The following CADPS2 variants were observed in gnomAD, a reference collection of about 807,000 sequenced individuals.
The protein encoded by CADPS2 is calcium-dependent secretion activator 2.
A neutral mutation model predicts 172.5 loss-of-function variants in CADPS2; 93 were observed. That is an observed-to-expected ratio of 0.54 (90% CI 0.46 to 0.64). CADPS2 has a LOEUF of 0.64. Ranked by LOEUF, CADPS2 falls within the 30% of genes least tolerant of loss-of-function variation. CADPS2 has a pLI of 0.00. For synonymous variants in CADPS2, 546 were observed against 555.2 expected, an observed-to-expected ratio of 0.98 and a Z score of 0.23; for missense variants, 1,420 against 1,565.9, an observed-to-expected ratio of 0.91 and a Z score of 1.57.
intron 2 of CADPS2, among the ~76,000 whole-genome samples, chr7:122,683,556 T>A (rs2083295347): frequency 6.6e-6 from 1 of 152,172 alleles, no homozygotes; most frequent in Non-Finnish European, 1.5e-5. Context: ...GATATGTGCT[T>A]ACAAAGTGGA....
intron 2 of CADPS2, among the ~76,000 whole-genome samples, chr7:122,732,758 C>T (rs910840241): frequency 2.8e-5 from 4 of 140,918 alleles, no homozygotes; most frequent in Non-Finnish European, 4.6e-5. Context: ...TCCTTCAAGC[C>T]AATCCTTCAA....
intron 1 of CADPS2, among the ~76,000 whole-genome samples, chr7:122,778,759 G>T (rs1030851977): frequency 6.6e-6 from 1 of 152,202 alleles, no homozygotes; most frequent in Non-Finnish European, 1.5e-5. Context: ...TTGAGGTTTG[G>T]GACTTTTGAA....
chr7:122,592,268 C>A (rs1438641805), intron 6 of CADPS2, among the ~76,000 whole-genome samples: 3 of 152,176 alleles, frequency 2.0e-5, no homozygotes, highest in East Asian at 1.9e-4. Context: ...CAGAGAAATG[C>A]AAATCAAAAC....
intron 1 of CADPS2, among the ~76,000 whole-genome samples, chr7:122,832,903 T>C (rs1002920399): frequency 6.6e-6 from 1 of 152,180 alleles, no homozygotes; most frequent in African/African-American, 2.4e-5. Context: ...AGCTTAATTA[T>C]AATGAAATAG....
chr7:122,579,836 T>C (rs1002621979), intron 7 of CADPS2, among the ~76,000 whole-genome samples: 1 of 151,912 alleles, frequency 6.6e-6, no homozygotes, highest in Non-Finnish European at 1.5e-5. Context: ...AATACACATA[T>C]CAATAAAATG....
Position 122,651,204 on chromosome 7 carries a change from T to A in CADPS2, c.786+12033A>T, listed in dbSNP as rs1213993276. Among the ~76,000 whole-genome samples the A allele has an allele frequency of 2.8e-4, 42 of 150,858 alleles. 1 individual carries two copies. The highest frequency in any genetic ancestry group is 2.7e-3 in the Admixed American group (40 of 15,056). On this transcript the variant is annotated intron_variant, in intron 3 of 29. Transcript: ENST00000449022. ...GAATGTGCTATTATTTCTGCTGAAG[T>A]AGACACATTACTGTATGTTAAATGA...
chr7:122,386,361 G>A, intron 24 of CADPS2: 1 of 1,132,388 alleles, frequency 8.8e-7, no homozygotes. Context: ...GAACAGAAGG[G>A]AAGAATAAAG....
At chr7:122,673,363 T>C (rs148183451) in intron 2 of CADPS2, among the ~76,000 whole-genome samples, 15 of 152,334 alleles carry the variant, frequency 9.8e-5, no homozygotes, top group East Asian at 1.9e-4. Context: ...AGGGTGCTCA[T>C]TGGTGCATTT....
chr7:122,501,526 G>C (rs1323998402), intron 9 of CADPS2, among the ~76,000 whole-genome samples: 3 of 151,904 alleles, frequency 2.0e-5, no homozygotes, highest in African/African-American at 7.3e-5. Flanking sequence ...ATGGATGAGG[G>C]AAGTAACTTT....
At chr7:122,849,382 C>T (rs1812902130) in intron 1 of CADPS2, among the ~76,000 whole-genome samples, 1 of 152,140 alleles carries the variant, frequency 6.6e-6, no homozygotes, top group East Asian at 1.9e-4. Flanking sequence ...TTAAAATATT[C>T]TTAGGGCATA....
chr7:122,368,679 T>C (rs2041304608), intron 25 of CADPS2, among the ~76,000 whole-genome samples: 1 of 152,172 alleles, frequency 6.6e-6, no homozygotes, highest in Admixed American at 6.5e-5. Context: ...TTTTAAAGCA[T>C]ATAAAAATGT....
intron 7 of CADPS2, among the ~76,000 whole-genome samples, chr7:122,559,075 A>C (rs1329550379): frequency 1.3e-5 from 2 of 152,182 alleles, no homozygotes; most frequent in African/African-American, 4.8e-5. Flanking sequence ...GCAGACACAC[A>C]GTTGGTACAA....
intron 20 of CADPS2, among the ~76,000 whole-genome samples, chr7:122,403,575 T>C (rs1023729158): frequency 6.6e-6 from 1 of 152,200 alleles, no homozygotes; most frequent in Non-Finnish European, 1.5e-5. Context: ...ACATATTTAA[T>C]ATGTGAATTA....
At chr7:122,567,526 A>G (rs966392149) in intron 7 of CADPS2, among the ~76,000 whole-genome samples, 1 of 152,180 alleles carries the variant, frequency 6.6e-6, no homozygotes, top group African/African-American at 2.4e-5. Context: ...CAATTGTTAA[A>G]TAAATGTACA....
At chr7:122,513,825 T>C (rs1028010945) in intron 8 of CADPS2, among the ~76,000 whole-genome samples, 31 of 152,296 alleles carry the variant, frequency 2.0e-4, no homozygotes, top group African/African-American at 7.5e-4. Flanking sequence ...AACGAAAGGA[T>C]GGATTTGCTG....
intron 1 of CADPS2, among the ~76,000 whole-genome samples, chr7:122,857,048 T>C (rs1009431252): frequency 2.6e-5 from 4 of 152,200 alleles, no homozygotes; most frequent in Non-Finnish European, 5.9e-5. Flanking sequence ...GCACAAATTA[T>C]GATTTGTATG....
intron 1 of CADPS2, among the ~76,000 whole-genome samples, chr7:122,788,096 C>T (rs931362921): frequency 6.6e-6 from 1 of 152,160 alleles, no homozygotes; most frequent in African/African-American, 2.4e-5. Flanking sequence ...GCCCAGCCAT[C>T]AGGCTGGAGA....
intron 7 of CADPS2, among the ~76,000 whole-genome samples, chr7:122,555,534 C>T (rs1345357294): frequency 6.6e-6 from 1 of 152,004 alleles, no homozygotes; most frequent in African/African-American, 2.4e-5. Flanking sequence ...TATTTTAAGC[C>T]ATAAACCTGA....
At chr7:122,378,356 C>T (rs1017678353) in intron 25 of CADPS2, among the ~76,000 whole-genome samples, 2 of 152,110 alleles carry the variant, frequency 1.3e-5, no homozygotes, top group African/African-American at 4.8e-5. Flanking sequence ...ATTTATACTC[C>T]CCTATGTAGG....
Sources: gnomAD v4.1 joint callset for allele counts (sites outside exome capture counted in the v4.1 genomes callset) on GRCh38, gnomAD v4.1.1 for gene constraint, MANE v1.5 for transcripts, NCBI Gene and HGNC (gene_info 2026-07-23, HGNC 2026-07-21) for gene names.